Variants in FSCN2 observed in about 807,000 individuals in gnomAD.
FSCN2 encodes fascin actin-bundling protein 2, retinal.
FSCN2 carries 46 observed loss-of-function variants against 37.8 expected under a neutral mutation model. The observed-to-expected ratio is 1.22, with a 90% CI of 0.96 to 1.56. The LOEUF (loss-of-function observed/expected upper bound fraction) is 1.56. FSCN2 is among the 40% of genes most tolerant of loss of function. FSCN2 has a pLI of 0.00. For missense variants in FSCN2, 844 were observed against 730.4 expected (o/e 1.16, Z -1.79); for synonymous variants, 351 against 309.4 (o/e 1.13, Z -1.41).
intron 1 of FSCN2, among the ~76,000 whole-genome samples, chr17:81,531,027 CT>C (rs2032531221): frequency 6.6e-6 from 1 of 152,258 alleles, no homozygotes; most frequent in Non-Finnish European, 1.5e-5. Context: ...ATATGGACAG[CT>C]TGGAAAGCAG....
the FSCN2 span, among the ~76,000 whole-genome samples, chr17:81,523,242 C>T: frequency 2.0e-5 from 3 of 152,134 alleles, no homozygotes; most frequent in African/African-American, 4.8e-5. Flanking sequence ...GGGGGATTCT[C>T]GGAGCAGGCA....
At chr17:81,518,154 A>T in the FSCN2 span, among the ~76,000 whole-genome samples, 349 of 152,076 alleles carry the variant, frequency 2.3e-3, 2 homozygotes, top group Non-Finnish European at 3.9e-3. Flanking sequence ...CCACTCCTTC[A>T]GCGCCCTGAC....
Position 81,536,910 on chromosome 17 carries a change from GGCAGCGTGT to G in FSCN2, c.1316_1324del (p.Val439_Ser441del), listed in dbSNP as rs777151267. 1 of 1,576,570 alleles carries G rather than the reference GGCAGCGTGT, an allele frequency of 6.3e-7. No individual in the cohort carries two copies. The highest frequency in any genetic ancestry group is 8.6e-7 in the Non-Finnish European group (1 of 1,164,784). On this transcript the variant is annotated inframe_deletion, in exon 5 of 5. Coordinates refer to ENST00000417245, the MANE Select transcript of FSCN2 (RefSeq NM_012418.4). ...AGGGTTCTGGTACACGGGCAGCCAC[GGCAGCGTGT>G]GCAGCGACGGCGAACGCGCCGAGGA...
chr17:81,521,544 G>A, the FSCN2 span, among the ~76,000 whole-genome samples: 1 of 152,050 alleles, frequency 6.6e-6, no homozygotes, highest in African/African-American at 2.4e-5. Context: ...GCTAATGTTT[G>A]TATTTGTAGT....
the FSCN2 span, among the ~76,000 whole-genome samples, chr17:81,518,573 T>G: frequency 6.6e-6 from 1 of 150,964 alleles, no homozygotes. Context: ...GGGAGGGGAG[T>G]CGTTTTCGCT....
At chr17:81,528,064 G>A (rs1373663829), upstream of FSCN2, among the ~76,000 whole-genome samples, 2 of 151,552 alleles carry the variant, frequency 1.3e-5, no homozygotes, top group Admixed American at 1.3e-4. Context: ...GGAAGGGCTG[G>A]GCCGGGCCGG....
the FSCN2 span, among the ~76,000 whole-genome samples, chr17:81,519,754 T>G: frequency 6.6e-6 from 1 of 152,020 alleles, no homozygotes; most frequent in Admixed American, 6.5e-5. Context: ...TGGCAGTGGA[T>G]GAGGGGGTGG....
chr17:81,532,226 GATA>G (rs1568078891), intron 1 of FSCN2, among the ~76,000 whole-genome samples: 4 of 142,156 alleles, frequency 2.8e-5, no homozygotes, highest in Admixed American at 7.0e-5. Context: ...TGGTGATGAT[GATA>G]ATGGTGATGA....
the FSCN2 span, among the ~76,000 whole-genome samples, chr17:81,520,649 G>A: frequency 0.021 from 3,213 of 152,316 alleles, 54 homozygotes; most frequent in East Asian, 0.086. Context: ...GATTTTGAAC[G>A]CTTAGTCCCT....
At chr17:81,516,157 C>T in the FSCN2 span, among the ~76,000 whole-genome samples, 4 of 152,258 alleles carry the variant, frequency 2.6e-5, no homozygotes, top group African/African-American at 7.2e-5. Context: ...AGTGTCTCAT[C>T]TTCCACCACT....
At chr17:81,532,439 G>GATT in intron 1 of FSCN2, among the ~76,000 whole-genome samples, 1 of 140,560 alleles carries the variant, frequency 7.1e-6, no homozygotes, top group South Asian at 2.2e-4. Flanking sequence ...TGATAATGGT[G>GATT]ATGATGATGG....
At chr17:81,534,910 A>G in intron 1 of FSCN2, 142 bp from the exon 2 acceptor site, 2 of 583,228 alleles carry the variant, frequency 3.4e-6, no homozygotes, top group Non-Finnish European at 5.8e-6. Context: ...GGTCTCTGAG[A>G]GGTGCCTTCC....
At chr17:81,523,487 C>A (rs1032329307), upstream of FSCN2, among the ~76,000 whole-genome samples, 2 of 152,212 alleles carry the variant, frequency 1.3e-5, no homozygotes, top group Non-Finnish European at 2.9e-5. Flanking sequence ...GAATAACACC[C>A]GGGGCTGGGC....
At position 81,528,988 on chromosome 17, in the gene FSCN2, C is replaced by T. The variant is rs782694603; in HGVS notation, c.457C>T (p.His153Tyr). The part of the protein sequence containing the change: ...LLSVSRRRYV[H>Y]LCPREDEMAA... ...GAGCGTGAGCCGGCGGCGCTACGTG[C>T]ACCTGTGCCCGCGGGAGGACGAGAT... The change falls in exon 1 of 5, where the codon CAC becomes TAC. Residue 153 changes from histidine to tyrosine, a missense_variant. By Grantham distance (83) the His-to-Tyr change is moderately conservative. Transcript: ENST00000417245. 5 of 1,584,150 alleles carry T rather than the reference C, an allele frequency of 3.2e-6. No homozygotes were observed. The highest frequency in any genetic ancestry group is 2.3e-5 in the East Asian group (1 of 43,598).
intron 1 of FSCN2, 139 bp downstream of exon 1, chr17:81,529,496 G>A (rs2032479028): frequency 2.4e-6 from 2 of 837,386 alleles, no homozygotes; most frequent in South Asian, 2.8e-5. Context: ...GTCCATGTGG[G>A]ACATGTGTGG....
In FSCN2 at chr17:81,530,709, T is replaced by G. The variant is rs1555671139; in HGVS notation, c.826+1352T>G. 3 of 463,610 alleles carry G rather than the reference T, an allele frequency of 6.5e-6. No homozygotes were observed. The Admixed American group carries it at 7.7e-5, about 12-fold the overall frequency. The allele number at this position is 463,610 out of a possible 1,614,324, so 28.7% of individuals were successfully genotyped here. ...GGTACACTGACACTCTGGGGCCAGATGGCAGAGGCCCCACCCTGTGCATGG... is the reference window on the plus strand; with the variant it reads ...GGTACACTGACACTCTGGGGCCAGAGGGCAGAGGCCCCACCCTGTGCATGG... On this transcript the variant is annotated intron_variant, in intron 1 of 4. Coordinates refer to ENST00000417245, the MANE Select transcript of FSCN2 (RefSeq NM_012418.4).
chr17:81,524,024 C>T (rs1555669765), upstream of FSCN2, among the ~76,000 whole-genome samples: 2 of 152,206 alleles, frequency 1.3e-5, no homozygotes. Flanking sequence ...TGGGGTCCTT[C>T]CCCTTGGAGC....
the FSCN2 span, chr17:81,519,011 G>T: frequency 6.6e-6 from 1 of 152,244 alleles, no homozygotes; most frequent in Non-Finnish European, 1.5e-5. Flanking sequence ...GGCACAGCAG[G>T]GCGGGCGTGG....
At chr17:81,519,777 C>T in the FSCN2 span, among the ~76,000 whole-genome samples, 1 of 152,172 alleles carries the variant, frequency 6.6e-6, no homozygotes, top group African/African-American at 2.4e-5. Flanking sequence ...CGGGCCTCCA[C>T]TCACTGCCCA....
Sources: allele counts gnomAD v4.1 joint callset (sites outside exome capture counted in the v4.1 genomes callset), GRCh38; gene constraint gnomAD v4.1.1; transcripts MANE v1.5; gene names NCBI Gene and HGNC (gene_info 2026-07-23, HGNC 2026-07-21).